The following COL9A1 variants were observed in gnomAD, a reference collection of about 807,000 sequenced individuals.
The protein encoded by COL9A1 is collagen type IX alpha 1 chain, also known as collagen alpha-1(IX) chain.
In COL9A1, 104 loss-of-function variants were observed where a neutral mutation model predicts 142.6. The observed-to-expected ratio is 0.73, with a 90% CI of 0.62 to 0.86. The LOEUF (loss-of-function observed/expected upper bound fraction) is 0.86, where lower values mean the gene tolerates loss of function less well. Among genes scored for constraint, COL9A1 ranks in the 40% least tolerant of loss-of-function variants. The pLI, the probability that COL9A1 is intolerant of heterozygous loss-of-function variation, is 0.00. For missense variants in COL9A1, 1,210 were observed against 1,176.6 expected (o/e 1.03, Z -0.42); for synonymous variants, 466 against 396.0 (o/e 1.18, Z -2.10).
intron 33 of COL9A1, among the ~76,000 whole-genome samples, chr6:70,237,970 T>C (rs1770018532): frequency 6.6e-6 from 1 of 152,158 alleles, no homozygotes; most frequent in Non-Finnish European, 1.5e-5. Context: ...CAGAACAAGG[T>C]GTTAAACAGC....
Position 70,255,000 on chromosome 6 carries a change from T to A in COL9A1, c.1628A>T (p.Asp543Val). 6.2e-7 allele frequency: 1 copy of A among 1,614,168 alleles called. No homozygotes were observed. The highest frequency in any genetic ancestry group is 8.5e-7 in the Non-Finnish European group (1 of 1,180,026). Reference protein sequence around the residue: ...PKGDTGLPGVDGRDGIPGMPG... With the variant: ...PKGDTGLPGVVGRDGIPGMPG... Reference sequence around the variant, plus strand: ...CATTCCAGGGATCCCATCACGGCCATCCACACCTGGCAAACCCTAAACACA... The same window carrying A: ...CATTCCAGGGATCCCATCACGGCCAACCACACCTGGCAAACCCTAAACACA... Residue 543 changes from aspartate (D) to valine (V), a missense_variant, in exon 24 of 38, where the codon GAT becomes GTT. Asp to Val is a radical substitution (Grantham distance 152, BLOSUM62 -3). Transcript: ENST00000357250.
intron 37 of COL9A1, among the ~76,000 whole-genome samples, chr6:70,222,169 T>C (rs758113310): frequency 2.0e-5 from 3 of 152,036 alleles, no homozygotes; most frequent in Non-Finnish European, 2.9e-5. Context: ...TCAAATATAT[T>C]ATAAAAAAAG....
intron 36 of COL9A1, among the ~76,000 whole-genome samples, chr6:70,228,259 T>C (rs1314081301): frequency 3.3e-5 from 5 of 152,076 alleles, no homozygotes; most frequent in South Asian, 4.1e-4. Context: ...TTGATTGAAA[T>C]TGGGGATTTA....
chr6:70,264,802 CACA>C (rs1289080291), intron 18 of COL9A1, among the ~76,000 whole-genome samples: 1 of 152,000 alleles, frequency 6.6e-6, no homozygotes, highest in Non-Finnish European at 1.5e-5. Context: ...TTACAAATAC[CACA>C]ACATTTTGAT....
chr6:70,256,417 G>A (rs507676), intron 21 of COL9A1, among the ~76,000 whole-genome samples: 73,020 of 151,898 alleles, frequency 0.48, 17,907 homozygotes, highest in African/African-American at 0.53. Context: ...TGGAATAATG[G>A]AGTCAGAAAC....
intron 25 of COL9A1, among the ~76,000 whole-genome samples, 200 bp from the exon 26 acceptor site, chr6:70,253,629 A>G (rs778349675): frequency 6.6e-6 from 1 of 152,218 alleles, no homozygotes; most frequent in Non-Finnish European, 1.5e-5. Context: ...TGACTTTACT[A>G]TATCTGGCTT....
At chr6:70,224,380 C>A (rs946668552) in intron 37 of COL9A1, among the ~76,000 whole-genome samples, 1 of 152,168 alleles carries the variant, frequency 6.6e-6, no homozygotes, top group Non-Finnish European at 1.5e-5. Flanking sequence ...TGGAGCTGAT[C>A]TTCTCAATCT....
chr6:70,300,822 T>C (rs540687105), intron 2 of COL9A1, among the ~76,000 whole-genome samples: 1 of 152,298 alleles, frequency 6.6e-6, no homozygotes, highest in South Asian at 2.1e-4. Flanking sequence ...AAAATGTTCC[T>C]TAAACACCAC....
intron 4 of COL9A1, among the ~76,000 whole-genome samples, chr6:70,295,512 T>A (rs776204996): frequency 1.3e-5 from 2 of 152,034 alleles, no homozygotes; most frequent in African/African-American, 2.4e-5. Flanking sequence ...GGTCTCGAAC[T>A]CCTGACCTCA....
Position 70,281,037 on chromosome 6 carries a change from A to C in COL9A1, c.879T>G (p.Gly293=), listed in dbSNP as rs1038656483. ...PGVPGIDGID[G]DRGPKGPPGP... ...CCGGGGGGCCCTTAGGACCTCGGTC[A>C]CCCTGGAGGGGTAGGAGAAAAAGAG... The change falls in exon 9 of 38, where the codon GGT becomes GGG. Residue 293 remains glycine, a splice_region_variant and synonymous_variant. Transcript: ENST00000357250. 16 of 1,609,994 alleles carry C rather than the reference A, an allele frequency of 9.9e-6. No individual in the cohort carries two copies. Among genetic ancestry groups the C allele is most frequent in the Non-Finnish European group, 9.3e-6 (11 of 1,178,682 alleles).
chr6:70,281,015 G>A lies in COL9A1; in HGVS notation c.901C>T (p.Pro301Ser). 1.9e-6 allele frequency: 3 copies of A among 1,613,400 alleles called. No homozygotes were observed. Among genetic ancestry groups the A allele is most frequent in the Non-Finnish European group, 2.5e-6 (3 of 1,179,796 alleles). ...TCCAATCAACTTACCGGGGGGCCCG[G>A]GGGGCCCTTAGGACCTCGGTCACCC... ...IDGDRGPKGP[P>S]GPPGPAGEPG... Residue 301 changes from proline (P) to serine (S), a missense_variant, in exon 9 of 38, where the codon CCG becomes TCG. Pro to Ser is a moderately conservative substitution (Grantham distance 74, BLOSUM62 -1). Coordinates refer to ENST00000357250, the MANE Select transcript of COL9A1 (RefSeq NM_001851.6).
chr6:70,289,428 C>T (rs9455023), intron 5 of COL9A1, among the ~76,000 whole-genome samples: 26,261 of 152,086 alleles, frequency 0.17, 3,274 homozygotes, highest in East Asian at 0.46. Flanking sequence ...TACTTCCAAT[C>T]ATGGCTTCTG....
Position 70,254,555 on chromosome 6 carries a change from AT to A in COL9A1, c.1666-27del, listed in dbSNP as rs774603257. On this transcript the variant is annotated intron_variant, in intron 24 of 37. Transcript: ENST00000357250. ...CTGCAAAAAAAGCTTTTATCACATGATTGAACCTGTATGAGCTGCTGTATTT... is the reference window on the plus strand; with the variant it reads ...CTGCAAAAAAAGCTTTTATCACATGATGAACCTGTATGAGCTGCTGTATTT... The A allele has an allele frequency of 8.7e-6, 14 of 1,611,462 alleles. No individual in the cohort carries two copies. In the South Asian group the frequency reaches 1.3e-4, roughly 15 times the overall value.
chr6:70,284,959 A>AT (rs1213405730), intron 5 of COL9A1, among the ~76,000 whole-genome samples: 3 of 152,230 alleles, frequency 2.0e-5, no homozygotes, highest in African/African-American at 7.2e-5. Flanking sequence ...ATCACTGGAC[A>AT]GAAGATCAAA....
chr6:70,232,321 T>C (rs1562290893), intron 36 of COL9A1, among the ~76,000 whole-genome samples: 1 of 152,190 alleles, frequency 6.6e-6, no homozygotes, highest in Non-Finnish European at 1.5e-5. Flanking sequence ...ATGATTGAGG[T>C]AGAGTATAAT....
chr6:70,240,714 C>T lies in COL9A1; in HGVS notation c.2054G>A (p.Gly685Asp), dbSNP rs1770203205. 1.9e-6 allele frequency: 3 copies of T among 1,612,934 alleles called. No individual in the cohort carries two copies. The African/African-American group carries it at 4.0e-5, about 22-fold the overall frequency. ...AAGTTCCCCCCTTTCTCCTGCTTCACCTTCTTCACCAGAGGCACCCTAAAA... is the reference window on the plus strand; with the variant it reads ...AAGTTCCCCCCTTTCTCCTGCTTCATCTTCTTCACCAGAGGCACCCTAAAA... The part of the protein sequence containing the change: ...KGEQGASGEE[G>D]EAGERGELGD... Residue 685 changes from glycine (G) to aspartate (D), a missense_variant, in exon 32 of 38, where the codon GGT becomes GAT. Gly to Asp is a moderately conservative substitution (Grantham distance 94, BLOSUM62 -1). Coordinates refer to ENST00000357250, the MANE Select transcript of COL9A1 (RefSeq NM_001851.6).
chr6:70,266,394 A>G (rs1196614914), intron 18 of COL9A1, among the ~76,000 whole-genome samples: 1 of 152,210 alleles, frequency 6.6e-6, no homozygotes, highest in Non-Finnish European at 1.5e-5. Flanking sequence ...AAGTGGAACA[A>G]CCGTCTGAAT....
intron 35 of COL9A1, among the ~76,000 whole-genome samples, 190 bp downstream of exon 35, chr6:70,234,349 G>C (rs1375698449): frequency 1.3e-5 from 2 of 151,512 alleles, no homozygotes; most frequent in Non-Finnish European, 2.9e-5. Flanking sequence ...TTACATTGAG[G>C]CTACGGGCTG....
chr6:70,270,217 A>T, intron 15 of COL9A1, 97 bp downstream of exon 15: 1 of 1,246,448 alleles, frequency 8.0e-7, no homozygotes. Flanking sequence ...ATTTGGGACA[A>T]TGACTCAATT....
Sources: allele counts gnomAD v4.1 joint callset (sites outside exome capture counted in the v4.1 genomes callset), GRCh38; gene constraint gnomAD v4.1.1; transcripts MANE v1.5; gene names NCBI Gene and HGNC (gene_info 2026-07-23, HGNC 2026-07-21).